Variants in WDR72 observed in about 807,000 individuals in gnomAD.
WDR72 encodes the protein WD repeat-containing protein 72.
Under a neutral mutation model 124.2 loss-of-function variants are expected in WDR72, and 120 were observed. That is an observed-to-expected ratio of 0.97 (90% CI 0.83 to 1.12). The LOEUF (loss-of-function observed/expected upper bound fraction) is 1.12, where lower values mean the gene tolerates loss of function less well. WDR72 is among the 50% of genes most tolerant of loss of function. WDR72 has a pLI of 0.00. For missense variants in WDR72, 1,387 were observed against 1,278.8 expected (o/e 1.08, Z -1.29); for synonymous variants, 452 against 441.7 (o/e 1.02, Z -0.29).
chr15:53,627,978 G>A (rs1830374248), intron 14 of WDR72, among the ~76,000 whole-genome samples: 1 of 152,118 alleles, frequency 6.6e-6, no homozygotes, highest in South Asian at 2.1e-4. Flanking sequence ...CTGACCACCA[G>A]TATACCACTT....
At chr15:53,684,932 A>AC (rs1036822715) in intron 13 of WDR72, among the ~76,000 whole-genome samples, 1 of 151,824 alleles carries the variant, frequency 6.6e-6, no homozygotes, top group Non-Finnish European at 1.5e-5. Context: ...ACTGGGAGGC[A>AC]CCCCCCTAGC....
chr15:53,685,458 T>C (rs1323341868), intron 13 of WDR72, among the ~76,000 whole-genome samples: 1 of 135,654 alleles, frequency 7.4e-6, no homozygotes, highest in Non-Finnish European at 1.6e-5. Flanking sequence ...AGAAAGGGTA[T>C]CAGTGATGGA....
At chr15:53,641,221 C>T (rs994354766) in intron 14 of WDR72, among the ~76,000 whole-genome samples, 1 of 151,984 alleles carries the variant, frequency 6.6e-6, no homozygotes, top group Non-Finnish European at 1.5e-5. Flanking sequence ...TAACTTTCCT[C>T]TTTGACTTTA....
intron 18 of WDR72, among the ~76,000 whole-genome samples, chr15:53,567,658 T>TAAGA (rs1441078379): frequency 1.3e-5 from 2 of 151,948 alleles, no homozygotes; most frequent in Non-Finnish European, 2.9e-5. Context: ...AACTAAAAAC[T>TAAGA]AAGACTGGAC....
chr15:53,603,144 C>T (rs1436808752), intron 17 of WDR72, among the ~76,000 whole-genome samples: 5 of 151,930 alleles, frequency 3.3e-5, no homozygotes, highest in Non-Finnish European at 5.9e-5. Flanking sequence ...CCACCATGAT[C>T]GAGTATGCTT....
intron 1 of WDR72, among the ~76,000 whole-genome samples, chr15:53,735,418 CAG>C: frequency 6.6e-6 from 1 of 152,232 alleles, no homozygotes; most frequent in East Asian, 1.9e-4. Context: ...AAAGAAAGAA[CAG>C]GGAACAGTGA....
intron 12 of WDR72, among the ~76,000 whole-genome samples, chr15:53,700,837 T>C (rs1487636048): frequency 6.6e-6 from 1 of 152,150 alleles, no homozygotes; most frequent in African/African-American, 2.4e-5. Flanking sequence ...GGATCATATG[T>C]CATTTTTCCC....
At chr15:53,709,105 A>C (rs1203335470) in intron 9 of WDR72, among the ~76,000 whole-genome samples, 1 of 152,220 alleles carries the variant, frequency 6.6e-6, no homozygotes. Flanking sequence ...AGCTCACTGA[A>C]TGTATCAAAT....
In WDR72 at chr15:53,573,638, C is replaced by T. The variant is rs192967393; in HGVS notation, c.3148+23441G>A. On this transcript the variant is annotated intron_variant, in intron 18 of 19. Transcript: ENST00000360509. Reference sequence around the variant, plus strand: ...TCAGCTTACTGCAACCTCCACCTCCCGTGTTCAAGCGATGCTCCTGCCTCA... The same window carrying T: ...TCAGCTTACTGCAACCTCCACCTCCTGTGTTCAAGCGATGCTCCTGCCTCA... Among the ~76,000 whole-genome samples the T allele has an allele frequency of 7.0e-3, 1,060 of 152,178 alleles. 13 individuals carry two copies. The highest frequency in any genetic ancestry group is 5.9e-3 in the Non-Finnish European group (402 of 67,996).
At chr15:53,669,017 AAAG>A (rs1241253503) in intron 13 of WDR72, among the ~76,000 whole-genome samples, 3 of 133,922 alleles carry the variant, frequency 2.2e-5, no homozygotes, top group African/African-American at 5.1e-5. Context: ...GAGAAGGAGA[AAAG>A]AAGAAGGGAG....
intron 18 of WDR72, among the ~76,000 whole-genome samples, chr15:53,574,857 G>C (rs1382799408): frequency 6.6e-6 from 1 of 151,862 alleles, no homozygotes; most frequent in Non-Finnish European, 1.5e-5. Flanking sequence ...GGTGGGGTGA[G>C]ATAGGAGGAG....
intron 17 of WDR72, among the ~76,000 whole-genome samples, chr15:53,608,757 A>AAAATAAATAAATAAAT (rs377242751): frequency 0.3 from 37,295 of 123,152 alleles, 6,080 homozygotes; most frequent in Middle Eastern, 0.49. Context: ...TCCTTTCTCA[A>AAAATAAATAAATAAAT]AAATAAATAA....
intron 18 of WDR72, among the ~76,000 whole-genome samples, chr15:53,594,928 T>C (rs1246378547): frequency 6.6e-6 from 1 of 151,996 alleles, no homozygotes; most frequent in Non-Finnish European, 1.5e-5. Flanking sequence ...AAAAAGACAA[T>C]ATTAATATGA....
intron 9 of WDR72, among the ~76,000 whole-genome samples, chr15:53,706,351 T>TGTGTATATATATATATATATACATAC (rs1555426201): frequency 0.038 from 434 of 11,320 alleles, 7 homozygotes; most frequent in African/African-American, 0.1. Flanking sequence ...TGTGTGTGTG[T>TGTGTATATATATATATATATACATAC]ATATATATAT....
intron 14 of WDR72, among the ~76,000 whole-genome samples, chr15:53,651,029 G>C (rs1427587061): frequency 6.7e-6 from 1 of 150,248 alleles, no homozygotes; most frequent in African/African-American, 2.5e-5. Context: ...TCTTACTTTG[G>C]ATTATTACAC....
intron 17 of WDR72, among the ~76,000 whole-genome samples, chr15:53,607,923 T>C (rs893778477): frequency 6.6e-6 from 1 of 152,118 alleles, no homozygotes; most frequent in African/African-American, 2.4e-5. Flanking sequence ...ACATCACTTA[T>C]CATCAGAGAA....
chr15:53,553,382 T>C (rs1047181204), intron 18 of WDR72, among the ~76,000 whole-genome samples: 2 of 152,036 alleles, frequency 1.3e-5, no homozygotes, highest in African/African-American at 2.4e-5. Flanking sequence ...TCAACCCAGG[T>C]TGTGGGTGCT....
intron 1 of WDR72, among the ~76,000 whole-genome samples, chr15:53,743,204 T>G (rs1331343293): frequency 6.6e-6 from 1 of 152,102 alleles, no homozygotes; most frequent in African/African-American, 2.4e-5. Flanking sequence ...AAAAAATAAT[T>G]CTAAGAAAAA....
chr15:53,731,382 A>C (rs923093550), intron 2 of WDR72, among the ~76,000 whole-genome samples: 3 of 151,620 alleles, frequency 2.0e-5, no homozygotes, highest in African/African-American at 4.9e-5. Flanking sequence ...CCCAGCCCAT[A>C]TCTCTATCCC....
Sources: gnomAD v4.1 joint callset for allele counts (sites outside exome capture counted in the v4.1 genomes callset) on GRCh38, gnomAD v4.1.1 for gene constraint, MANE v1.5 for transcripts, NCBI Gene and HGNC (gene_info 2026-07-23, HGNC 2026-07-21) for gene names.